Variants in ELP6 observed in about 807,000 individuals in gnomAD.
ELP6 encodes the protein elongator complex protein 6.
In ELP6, 23 loss-of-function variants were observed where a neutral mutation model predicts 28.1. The ratio of observed to expected loss-of-function variants is 0.82; its 90% confidence interval spans 0.59 to 1.16. The LOEUF is 1.16. ELP6 is among the 50% of genes most tolerant of loss of function. ELP6 has a pLI of 0.00. For synonymous variants in ELP6, 132 were observed against 135.8 expected, an observed-to-expected ratio of 0.97 and a Z score of 0.19; for missense variants, 313 against 334.6, an observed-to-expected ratio of 0.94 and a Z score of 0.50.
intron 3 of ELP6, among the ~76,000 whole-genome samples, chr3:47,509,704 A>C (rs1708955999): frequency 6.6e-6 from 1 of 152,178 alleles, no homozygotes; most frequent in Non-Finnish European, 1.5e-5. Context: ...GGTTCTACGA[A>C]GTCTCGAATA....
At chr3:47,509,541 A>C (rs745725369) in intron 3 of ELP6, among the ~76,000 whole-genome samples, 3 of 152,236 alleles carry the variant, frequency 2.0e-5, no homozygotes, top group African/African-American at 7.2e-5. Context: ...AGGGAAAGAC[A>C]GTGGGAGGCA....
In ELP6 at chr3:47,496,165, G is replaced by C. The variant is rs767491412; in HGVS notation, c.705C>G (p.Pro235=). 23 of 1,614,036 alleles carry C rather than the reference G, an allele frequency of 1.4e-5. No homozygotes were observed. Among genetic ancestry groups the C allele is most frequent in the Non-Finnish European group, 1.9e-5 (23 of 1,180,014 alleles). ...LRILWRRPSQ[P]AVHRDQSFTY... The stretch of plus-strand genomic sequence containing the variant: ...TGAAGCTCTGATCCCGGTGGACTGC[G>C]GGCTGCGATGGTCTCCTCCACAGGA... Residue 235 remains proline, a synonymous_variant, in exon 7 of 7, where the codon CCC becomes CCG. Coordinates refer to ENST00000296149, the MANE Select transcript of ELP6 (RefSeq NM_001031703.3).
At chr3:47,511,068 G>C in intron 2 of ELP6, 80 bp downstream of exon 2, 1 of 1,230,434 alleles carries the variant, frequency 8.1e-7, no homozygotes, top group African/African-American at 1.5e-5. Context: ...TGCTGTTATT[G>C]CTTCCTTAAA....
At chr3:47,501,964 C>A in intron 4 of ELP6, 113 bp from the exon 5 acceptor site, 2 of 997,104 alleles carry the variant, frequency 2.0e-6, no homozygotes, top group Non-Finnish European at 3.0e-6. Flanking sequence ...TATCACAATT[C>A]TTGGCAACAA....
chr3:47,507,998 T>C (rs1337378477), intron 3 of ELP6, among the ~76,000 whole-genome samples: 2 of 150,998 alleles, frequency 1.3e-5, no homozygotes, highest in African/African-American at 4.9e-5. Flanking sequence ...CTGAAACAGA[T>C]CCAGTGGCCA....
At chr3:47,510,368 C>T in intron 2 of ELP6, 114 bp from the exon 3 acceptor site, 1 of 742,136 alleles carries the variant, frequency 1.3e-6, no homozygotes, top group East Asian at 2.7e-5. Flanking sequence ...AGAGGCTTTG[C>T]AACCTGACAT....
chr3:47,504,482 T>C, intron 3 of ELP6, 34 bp from the exon 4 acceptor site: 2 of 1,565,248 alleles, frequency 1.3e-6, no homozygotes, highest in Non-Finnish European at 1.7e-6. Flanking sequence ...TTACTATGCC[T>C]TGTAGGGGAA....
chr3:47,507,521 C>T (rs1421317923), intron 3 of ELP6, among the ~76,000 whole-genome samples: 1 of 151,138 alleles, frequency 6.6e-6, no homozygotes, highest in Non-Finnish European at 1.5e-5. Context: ...TGGGGCTCGG[C>T]ATGGTGCCTC....
At chr3:47,498,157 T>G in intron 6 of ELP6, 129 bp downstream of exon 6, 2 of 1,420,428 alleles carry the variant, frequency 1.4e-6, no homozygotes, top group Non-Finnish European at 1.9e-6. Context: ...TCTCACAATT[T>G]CCAGTGTTTC....
chr3:47,498,190 C>T (rs367545474), intron 6 of ELP6, 96 bp downstream of exon 6: 2 of 1,517,194 alleles, frequency 1.3e-6, no homozygotes, highest in Non-Finnish European at 8.9e-7. Context: ...AGTCATGTCC[C>T]AACCAGACAG....
intron 5 of ELP6, 174 bp from the exon 6 acceptor site, chr3:47,498,606 AC>A: frequency 1.0e-6 from 1 of 985,278 alleles, no homozygotes; most frequent in Non-Finnish European, 1.2e-6. Flanking sequence ...CCAGTCACCT[AC>A]TGGACAACTT....
intron 5 of ELP6, among the ~76,000 whole-genome samples, chr3:47,499,236 G>A (rs531527964): frequency 6.6e-6 from 1 of 152,128 alleles, no homozygotes; most frequent in Non-Finnish European, 1.5e-5. Flanking sequence ...GTAATAAAAG[G>A]CTGGGCACGG....
intron 4 of ELP6, among the ~76,000 whole-genome samples, chr3:47,503,698 C>T (rs546308537): frequency 6.6e-6 from 1 of 151,888 alleles, no homozygotes; most frequent in African/African-American, 2.4e-5. Context: ...GTCAGGAGAT[C>T]GAGACCATGG....
intron 1 of ELP6, chr3:47,513,133 G>A (rs1214952353): frequency 1.2e-6 from 1 of 854,964 alleles, no homozygotes; most frequent in East Asian, 1.1e-4. Flanking sequence ...TGAGATTACA[G>A]GCATGAGCCA....
intron 3 of ELP6, 136 bp from the exon 4 acceptor site, chr3:47,504,584 C>G (rs1015748514): frequency 7.7e-7 from 1 of 1,292,282 alleles, no homozygotes; most frequent in African/African-American, 1.5e-5. Context: ...ACAGGCCTGT[C>G]TTCATTCCCC....
chr3:47,500,673 C>G (rs1262754890), intron 5 of ELP6, among the ~76,000 whole-genome samples: 2 of 152,166 alleles, frequency 1.3e-5, no homozygotes, highest in African/African-American at 4.8e-5. Flanking sequence ...GTGCCTTCCA[C>G]ACCCCTAACA....
At chr3:47,509,787 T>C (rs77620361) in intron 3 of ELP6, among the ~76,000 whole-genome samples, 2 of 152,040 alleles carry the variant, frequency 1.3e-5, no homozygotes, top group East Asian at 3.8e-4. Flanking sequence ...TTTTTTTTTT[T>C]TGAGACAGAG....
At chr3:47,512,522 G>T in intron 1 of ELP6, 1 of 849,140 alleles carries the variant, frequency 1.2e-6, no homozygotes, top group Non-Finnish European at 1.4e-6. Flanking sequence ...GTGCACTCCA[G>T]CCCAGGCGAG....
chr3:47,513,492 T>C, intron 1 of ELP6, 45 bp downstream of exon 1: 9 of 1,598,344 alleles, frequency 5.6e-6, no homozygotes, highest in Non-Finnish European at 6.8e-6. Flanking sequence ...AGTATTCCGC[T>C]GCCCTGCCAG....
Sources: gnomAD v4.1 joint callset for allele counts (sites outside exome capture counted in the v4.1 genomes callset) on GRCh38, gnomAD v4.1.1 for gene constraint, MANE v1.5 for transcripts, NCBI Gene and HGNC (gene_info 2026-07-23, HGNC 2026-07-21) for gene names.